The following FAT3 variants were observed in gnomAD, a reference collection of about 807,000 sequenced individuals.
The protein encoded by FAT3 is protocadherin Fat 3.
In FAT3, 95 loss-of-function variants were observed where a neutral mutation model predicts 310.2. The ratio of observed to expected loss-of-function variants is 0.31; its 90% CI spans 0.26 to 0.36. FAT3 has a LOEUF of 0.36. Among genes scored for constraint, FAT3 ranks in the 10% least tolerant of loss-of-function variants. The pLI, the probability that FAT3 is intolerant of heterozygous loss-of-function variation, is 1.00. For synonymous variants in FAT3, 2,314 were observed against 2,192.9 expected (o/e 1.06, Z -1.54); for missense variants, 5,408 against 5,715.6 (o/e 0.95, Z 1.74).
At position 92,602,235 on chromosome 11, in the gene FAT3, G is replaced by A. The variant is rs529559723; in HGVS notation, c.3607+77287G>A. On this transcript the variant is annotated intron_variant, in intron 3 of 27. Transcript: ENST00000525166. ...ATTACAGGTGTCTGCCACCACGCCC[G>A]GCTAATTTTTGTATTTTTAGTAGAA... Among the ~76,000 whole-genome samples, 19 of 152,012 alleles carry A rather than the reference G, an allele frequency of 1.2e-4. No individual in the cohort carries two copies. In the South Asian group the frequency reaches 2.3e-3, roughly 18 times the overall value.
At chr11:92,286,832 A>G (rs989914584) in intron 1 of FAT3, among the ~76,000 whole-genome samples, 9 of 152,190 alleles carry the variant, frequency 5.9e-5, no homozygotes, top group African/African-American at 2.2e-4. Flanking sequence ...TATTCAATGC[A>G]TCAAACTGAC....
At chr11:92,267,468 G>A (rs955968234) in intron 1 of FAT3, among the ~76,000 whole-genome samples, 3 of 152,046 alleles carry the variant, frequency 2.0e-5, no homozygotes, top group African/African-American at 7.2e-5. Flanking sequence ...TTAGGAACCT[G>A]GAAAGAGCAC....
At chr11:92,687,082 A>G (rs1943656207) in intron 3 of FAT3, among the ~76,000 whole-genome samples, 1 of 152,184 alleles carries the variant, frequency 6.6e-6, no homozygotes, top group Non-Finnish European at 1.5e-5. Flanking sequence ...CCTTTTTAAT[A>G]TAGGCTAGAA....
intron 3 of FAT3, among the ~76,000 whole-genome samples, chr11:92,646,602 G>T (rs761399966): frequency 1.3e-5 from 2 of 152,182 alleles, no homozygotes; most frequent in African/African-American, 4.8e-5. Context: ...ACTAAGTTCC[G>T]TATGCAGAAC....
intron 22 of FAT3, among the ~76,000 whole-genome samples, chr11:92,868,690 G>T (rs1949308077): frequency 6.6e-6 from 1 of 152,078 alleles, no homozygotes; most frequent in African/African-American, 2.4e-5. Context: ...TTGCTGGCAG[G>T]GCTATGGGCT....
At chr11:92,478,428 C>A (rs1952105256) in intron 2 of FAT3, among the ~76,000 whole-genome samples, 1 of 152,114 alleles carries the variant, frequency 6.6e-6, no homozygotes, top group African/African-American at 2.4e-5. Flanking sequence ...ACCATCACTG[C>A]CCTTCAGCTC....
intron 2 of FAT3, 87 bp from the exon 3 acceptor site, chr11:92,524,547 A>ACAC: frequency 1.5e-6 from 2 of 1,298,272 alleles, no homozygotes; most frequent in Non-Finnish European, 2.1e-6. Flanking sequence ...TGCCAAGATT[A>ACAC]TTTAGTGTAG....
At chr11:92,789,358 T>C (rs1946978931) in intron 7 of FAT3, among the ~76,000 whole-genome samples, 1 of 152,174 alleles carries the variant, frequency 6.6e-6, no homozygotes, top group Admixed American at 6.6e-5. Flanking sequence ...AACAAAATGC[T>C]TTATGAAAGA....
At chr11:92,627,930 G>A (rs1026307977) in intron 3 of FAT3, among the ~76,000 whole-genome samples, 1 of 152,208 alleles carries the variant, frequency 6.6e-6, no homozygotes, top group Non-Finnish European at 1.5e-5. Flanking sequence ...CATGACTGGA[G>A]CGTGGGGCTT....
At chr11:92,460,141 G>A (rs565231176) in intron 2 of FAT3, among the ~76,000 whole-genome samples, 29 of 152,282 alleles carry the variant, frequency 1.9e-4, no homozygotes, top group African/African-American at 7.0e-4. Flanking sequence ...GCGATGCTCT[G>A]TAAAGCGAGT....
At chr11:92,448,508 A>G (rs1591304935) in intron 2 of FAT3, among the ~76,000 whole-genome samples, 1 of 152,294 alleles carries the variant, frequency 6.6e-6, no homozygotes, top group South Asian at 2.1e-4. Context: ...AAGATGCAAA[A>G]TCTATATTAT....
At position 92,288,214 on chromosome 11, in the gene FAT3, G is replaced by A. The variant is rs144920659; in HGVS notation, c.-18+63040G>A. On this transcript the variant is annotated intron_variant, in intron 1 of 27. Coordinates refer to ENST00000525166, the MANE Select transcript of FAT3 (RefSeq NM_001367949.2). ...GAGGACATTATGCAAAGTAAAATAAGGAAGTCACAAAAAAACAAATCTAAA... is the reference window on the plus strand; with the variant it reads ...GAGGACATTATGCAAAGTAAAATAAAGAAGTCACAAAAAAACAAATCTAAA... Among the ~76,000 whole-genome samples, 244 of 152,176 alleles carry A rather than the reference G, an allele frequency of 1.6e-3. 1 individual carries two copies. Among genetic ancestry groups the A allele is most frequent in the African/African-American group, 5.7e-3 (236 of 41,532 alleles).
At chr11:92,578,502 G>T (rs371306686) in intron 3 of FAT3, among the ~76,000 whole-genome samples, 5 of 152,120 alleles carry the variant, frequency 3.3e-5, no homozygotes, top group African/African-American at 9.7e-5. Flanking sequence ...GGTAACCTGT[G>T]TCTTCAGACT....
intron 13 of FAT3, among the ~76,000 whole-genome samples, chr11:92,816,144 TAGAC>T (rs1160154810): frequency 6.6e-6 from 1 of 152,106 alleles, no homozygotes; most frequent in East Asian, 1.9e-4. Flanking sequence ...TGGATGGAGA[TAGAC>T]AGAGGAGTGA....
At chr11:92,619,101 C>T (rs112808416) in intron 3 of FAT3, among the ~76,000 whole-genome samples, 44 of 152,168 alleles carry the variant, frequency 2.9e-4, no homozygotes, top group Admixed American at 7.2e-4. Context: ...GATGGTCATG[C>T]GGTTTTGTCT....
intron 2 of FAT3, among the ~76,000 whole-genome samples, chr11:92,515,794 G>A (rs1953461738): frequency 6.6e-6 from 1 of 152,002 alleles, no homozygotes; most frequent in East Asian, 1.9e-4. Context: ...AAAATACCAG[G>A]TGCACAATGA....
intron 2 of FAT3, among the ~76,000 whole-genome samples, chr11:92,520,568 C>A (rs1189470392): frequency 6.6e-6 from 1 of 151,990 alleles, no homozygotes; most frequent in Non-Finnish European, 1.5e-5. Flanking sequence ...TTTTGGCATT[C>A]CTTGGTCAAT....
intron 4 of FAT3, among the ~76,000 whole-genome samples, chr11:92,727,858 A>G (rs1006063876): frequency 6.6e-6 from 1 of 152,136 alleles, no homozygotes; most frequent in African/African-American, 2.4e-5. Context: ...CCCCGTTGCC[A>G]TTTGCCATGC....
chr11:92,692,039 G>A (rs551591377), intron 3 of FAT3, among the ~76,000 whole-genome samples: 9 of 152,104 alleles, frequency 5.9e-5, no homozygotes, highest in African/African-American at 1.9e-4. Context: ...GTAGAAATCA[G>A]GATGGGAGAG....
Sources: allele counts gnomAD v4.1 joint callset (sites outside exome capture counted in the v4.1 genomes callset), GRCh38; gene constraint gnomAD v4.1.1; transcripts MANE v1.5; gene names NCBI Gene and HGNC (gene_info 2026-07-23, HGNC 2026-07-21).